The following FAM168A variants were observed in gnomAD, a reference collection of about 807,000 sequenced individuals.
FAM168A encodes the protein protein FAM168A.
FAM168A carries 3 observed loss-of-function variants against 28.5 expected under a neutral mutation model. That is an observed-to-expected ratio of 0.11 (90% CI 0.05 to 0.27). The LOEUF is 0.27. FAM168A is among the 10% of genes least tolerant of loss of function. FAM168A has a pLI of 1.00. For synonymous variants in FAM168A, 122 were observed against 124.2 expected, an observed-to-expected ratio of 0.98 and a Z score of 0.12; for missense variants, 222 against 311.5, an observed-to-expected ratio of 0.71 and a Z score of 2.16.
rs185335468 is a variant in FAM168A at position 73,430,697 on chromosome 11, A to G, written c.144T>C (p.Tyr48=). ...GTCCCATTTCCTCCTTACCTGGAGC[A>G]TAACTGGGACTATTGGTGGGGTACA... is the stretch of plus-strand genomic sequence containing the variant. ...PSLYPTNSPS[Y]APATLLMKQA... The change falls in exon 3 of 8, where the codon TAT becomes TAC. Residue 48 remains tyrosine, a synonymous_variant. Transcript: ENST00000356467. The G allele has an allele frequency of 3.0e-4, 479 of 1,613,674 alleles. No homozygotes were observed. Among genetic ancestry groups the G allele is most frequent in the Non-Finnish European group, 3.9e-4 (457 of 1,179,722 alleles).
intron 1 of FAM168A, among the ~76,000 whole-genome samples, chr11:73,533,749 T>C (rs1303469104): frequency 6.6e-6 from 1 of 152,180 alleles, no homozygotes; most frequent in East Asian, 1.9e-4. Flanking sequence ...TCAAGAAAGA[T>C]TCAATAATGT....
chr11:73,568,064 T>C (rs1208356785), intron 1 of FAM168A, among the ~76,000 whole-genome samples: 2 of 152,220 alleles, frequency 1.3e-5, no homozygotes, highest in Non-Finnish European at 2.9e-5. Context: ...AGACAAATTT[T>C]AGGGCCCTAG....
intron 1 of FAM168A, among the ~76,000 whole-genome samples, chr11:73,531,774 C>T (rs2134664913): frequency 6.6e-6 from 1 of 151,656 alleles, no homozygotes; most frequent in African/African-American, 2.4e-5. Flanking sequence ...AGAGCTGACC[C>T]ATCCTGCAAA....
chr11:73,452,562 G>T (rs887882643), intron 2 of FAM168A, among the ~76,000 whole-genome samples: 6 of 152,250 alleles, frequency 3.9e-5, no homozygotes, highest in African/African-American at 9.6e-5. Context: ...GGAGGCACTT[G>T]GGCCAGTGCT....
intron 1 of FAM168A, among the ~76,000 whole-genome samples, chr11:73,582,354 T>TA (rs1944258460): frequency 6.6e-6 from 1 of 151,848 alleles, no homozygotes; most frequent in Admixed American, 6.6e-5. Context: ...ACCCCATCTC[T>TA]ACTAAAAATA....
intron 2 of FAM168A, among the ~76,000 whole-genome samples, chr11:73,433,709 C>T (rs1056910884): frequency 1.5e-4 from 23 of 152,180 alleles, no homozygotes; most frequent in East Asian, 1.3e-3. Context: ...TTAACCATTG[C>T]CTGTTTTAGT....
intron 6 of FAM168A, among the ~76,000 whole-genome samples, chr11:73,407,926 C>T (rs1866537164): frequency 6.6e-6 from 1 of 152,224 alleles, no homozygotes; most frequent in African/African-American, 2.4e-5. Flanking sequence ...GGCTGGAGTG[C>T]AATGGCGCGA....
Position 73,508,315 on chromosome 11 carries a change from TAATA to T in FAM168A, c.-18-39827_-18-39824del, listed in dbSNP as rs1050651565. On this transcript the variant is annotated intron_variant, in intron 1 of 7. Transcript: ENST00000356467. Reference sequence around the variant, plus strand: ...TCATATCCAAAATTAAGGAGCAAATTAATAAAAAAGGAAAAAAATATTCAAAGAC... The same window carrying T: ...TCATATCCAAAATTAAGGAGCAAATTAAAAAGGAAAAAAATATTCAAAGAC... 4.0e-4 allele frequency among the ~76,000 whole-genome samples: 61 copies of T among 150,896 alleles called. 1 individual carries two copies. Among genetic ancestry groups the T allele is most frequent in the African/African-American group, 1.4e-3 (60 of 41,390 alleles).
At chr11:73,469,871 T>C (rs76300493) in intron 1 of FAM168A, among the ~76,000 whole-genome samples, 56 of 152,292 alleles carry the variant, frequency 3.7e-4, no homozygotes, top group Non-Finnish European at 6.6e-4. Flanking sequence ...TCGCAGAGTA[T>C]TGAGACATTA....
intron 1 of FAM168A, among the ~76,000 whole-genome samples, chr11:73,570,081 G>C (rs1442838969): frequency 6.6e-6 from 1 of 152,108 alleles, no homozygotes; most frequent in African/African-American, 2.4e-5. Context: ...TCAAATAAGA[G>C]AGATAATATC....
intron 1 of FAM168A, among the ~76,000 whole-genome samples, chr11:73,556,259 G>A (rs80168754): frequency 0.056 from 8,506 of 151,902 alleles, 837 homozygotes; most frequent in African/African-American, 0.2. Flanking sequence ...TGAGGCAAGA[G>A]GATGGCTTGT....
chr11:73,513,286 T>A (rs536111326), intron 1 of FAM168A, among the ~76,000 whole-genome samples: 1 of 145,946 alleles, frequency 6.9e-6, no homozygotes, highest in South Asian at 2.3e-4. Context: ...CTCAGCTCAC[T>A]GCAAGCTCTG....
At chr11:73,580,269 G>A in intron 1 of FAM168A, 1 of 558,428 alleles carries the variant, frequency 1.8e-6, no homozygotes, top group Non-Finnish European at 3.6e-6. Flanking sequence ...AAGAAAGGCT[G>A]AAGGGGATGC....
At chr11:73,490,947 CT>C (rs1358020669) in intron 1 of FAM168A, among the ~76,000 whole-genome samples, 1 of 152,176 alleles carries the variant, frequency 6.6e-6, no homozygotes. Context: ...ATTGATCACT[CT>C]TCTCCACACT....
Position 73,402,214 on chromosome 11 carries a change from TGAG to T in FAM168A, c.*4546_*4548del, listed in dbSNP as rs1354952363. ...CCACGTATTTTCACTTAACTGCAAT[TGAG>T]GAGGAATTCTGATACAGATGGTGAT... On this transcript the variant is annotated 3_prime_UTR_variant, in exon 8 of 8. Transcript: ENST00000356467. The T allele has an allele frequency of 1.3e-5, 2 of 152,148 alleles. No individual in the cohort carries two copies. The highest frequency in any genetic ancestry group is 2.9e-5 in the Non-Finnish European group (2 of 68,006). The allele number at this position is 152,148 out of a possible 1,614,324, so 9.4% of individuals were successfully genotyped here. A position where few individuals can be genotyped will look rare whatever the true frequency, so the allele number is the denominator to read the frequency against.
At chr11:73,428,708 A>G in intron 3 of FAM168A, among the ~76,000 whole-genome samples, 1 of 152,180 alleles carries the variant, frequency 6.6e-6, no homozygotes, top group East Asian at 1.9e-4. Flanking sequence ...TGTAGCTTTT[A>G]TTGTTTTTGC....
chr11:73,452,061 G>C (rs2134548347), intron 2 of FAM168A: 1 of 152,446 alleles, frequency 6.6e-6, no homozygotes, highest in East Asian at 1.9e-4. Context: ...CTTGAGTCAG[G>C]AGAACCAAGC....
At chr11:73,501,811 C>T (rs1050389131) in intron 1 of FAM168A, among the ~76,000 whole-genome samples, 2 of 152,112 alleles carry the variant, frequency 1.3e-5, no homozygotes, top group African/African-American at 4.8e-5. Context: ...AATCCAAAAG[C>T]TAGCAGAAGG....
At chr11:73,412,286 A>C (rs1866626448) in intron 4 of FAM168A, 3 of 152,082 alleles carry the variant, frequency 2.0e-5, no homozygotes, top group Admixed American at 2.0e-4. Context: ...GGGGAAGGCC[A>C]CCTCTGCCTG....
Sources: gnomAD v4.1 joint callset for allele counts (sites outside exome capture counted in the v4.1 genomes callset) on GRCh38, gnomAD v4.1.1 for gene constraint, MANE v1.5 for transcripts, NCBI Gene and HGNC (gene_info 2026-07-23, HGNC 2026-07-21) for gene names.